The following CDH12 variants were observed in gnomAD, a reference collection of about 807,000 sequenced individuals.
CDH12 encodes cadherin 12, also known as cadherin-12.
A neutral mutation model predicts 74.1 loss-of-function variants in CDH12; 41 were observed. The ratio of observed to expected loss-of-function variants is 0.55; its 90% confidence interval spans 0.43 to 0.72. The LOEUF is 0.72. Among genes scored for constraint, CDH12 ranks in the 30% least tolerant of loss-of-function variants. The pLI is 0.00. For synonymous variants in CDH12, 399 were observed against 355.0 expected (o/e 1.12, Z -1.39); for missense variants, 945 against 977.2 (o/e 0.97, Z 0.44).
At chr5:22,045,462 T>A (rs1408814767) in intron 5 of CDH12, among the ~76,000 whole-genome samples, 1 of 152,122 alleles carries the variant, frequency 6.6e-6, no homozygotes. Context: ...AGGAAATCAG[T>A]ATGTTGAAGA....
intron 12 of CDH12, among the ~76,000 whole-genome samples, chr5:21,763,460 A>T (rs541608548): frequency 1.8e-4 from 28 of 152,350 alleles, no homozygotes; most frequent in Non-Finnish European, 3.7e-4. Flanking sequence ...AAAGATACTA[A>T]AGATTAAATA....
At chr5:22,261,439 A>C (rs562913753) in intron 3 of CDH12, among the ~76,000 whole-genome samples, 1 of 152,154 alleles carries the variant, frequency 6.6e-6, no homozygotes, top group South Asian at 2.1e-4. Context: ...CCTTAACAAA[A>C]GCATGACCAG....
chr5:22,717,857 A>C (rs2126984621), intron 1 of CDH12, among the ~76,000 whole-genome samples: 1 of 152,224 alleles, frequency 6.6e-6, no homozygotes, highest in Middle Eastern at 3.4e-3. Context: ...ATATTTTCTT[A>C]TTTCAGACAG....
At chr5:22,823,741 G>A (rs191802074) in intron 1 of CDH12, among the ~76,000 whole-genome samples, 1 of 152,148 alleles carries the variant, frequency 6.6e-6, no homozygotes, top group Non-Finnish European at 1.5e-5. Flanking sequence ...GTTCTCAGGA[G>A]ATCTGATGGT....
intron 1 of CDH12, among the ~76,000 whole-genome samples, chr5:22,568,469 G>A (rs1739391513): frequency 6.6e-6 from 1 of 152,068 alleles, no homozygotes; most frequent in African/African-American, 2.4e-5. Context: ...AAGAAATAAC[G>A]ACAATCTGAC....
chr5:21,836,957 T>G (rs1449950006), intron 8 of CDH12, among the ~76,000 whole-genome samples: 2 of 152,006 alleles, frequency 1.3e-5, no homozygotes, highest in African/African-American at 4.8e-5. Flanking sequence ...GAAGACCGTT[T>G]TCTGGGTTAT....
intron 2 of CDH12, among the ~76,000 whole-genome samples, chr5:22,446,041 T>C (rs1408669264): frequency 6.6e-6 from 1 of 152,126 alleles, no homozygotes; most frequent in East Asian, 1.9e-4. Context: ...TCACTCACTC[T>C]TAGTTTTGAG....
chr5:21,752,776 A>T (rs1744171070), intron 14 of CDH12, among the ~76,000 whole-genome samples: 1 of 152,012 alleles, frequency 6.6e-6, no homozygotes. Context: ...GAAGGAAGGA[A>T]GTAGAGGAAG....
chr5:21,870,268 G>A (rs1751549495), intron 6 of CDH12, among the ~76,000 whole-genome samples: 1 of 152,086 alleles, frequency 6.6e-6, no homozygotes, highest in African/African-American at 2.4e-5. Flanking sequence ...TAGAGAATTG[G>A]GAAAGCACTA....
chr5:22,609,692 T>A (rs977255186), intron 1 of CDH12, among the ~76,000 whole-genome samples: 2 of 152,172 alleles, frequency 1.3e-5, no homozygotes, highest in African/African-American at 4.8e-5. Context: ...CATGGTTTGA[T>A]ATTAAGGGTA....
rs117448187 is a variant in CDH12, at chr5:22,761,278, A to G, written c.-523+91780T>C. Among the ~76,000 whole-genome samples, 139 of 152,326 alleles carry G rather than the reference A, an allele frequency of 9.1e-4. No individual in the cohort carries two copies. In the East Asian group the frequency reaches 0.024, roughly 26 times the overall value. On this transcript the variant is annotated intron_variant, in intron 1 of 14. Coordinates refer to ENST00000382254, the MANE Select transcript of CDH12 (RefSeq NM_004061.5). Reference sequence around the variant, plus strand: ...TGATTTATATCCTGGGTTTTATACTAGGAGCAGGTTATATTAAAAATTATC... The same window carrying G: ...TGATTTATATCCTGGGTTTTATACTGGGAGCAGGTTATATTAAAAATTATC...
intron 4 of CDH12, among the ~76,000 whole-genome samples, chr5:22,180,236 C>T (rs151335382): frequency 2.0e-4 from 30 of 152,174 alleles, no homozygotes; most frequent in African/African-American, 7.0e-4. Context: ...CCTACAGCCA[C>T]TCACTTTCCT....
chr5:22,728,502 A>G (rs1358531337), intron 1 of CDH12, among the ~76,000 whole-genome samples: 3 of 151,952 alleles, frequency 2.0e-5, no homozygotes, highest in African/African-American at 7.2e-5. Context: ...ACTCTGTAGT[A>G]ATACCTTGAG....
chr5:22,654,857 C>G (rs969470645), intron 1 of CDH12, among the ~76,000 whole-genome samples: 1 of 151,772 alleles, frequency 6.6e-6, no homozygotes. Context: ...TCTCGAACTC[C>G]CGACCTCAGG....
intron 1 of CDH12, among the ~76,000 whole-genome samples, chr5:22,642,154 G>A (rs911659520): frequency 2.0e-5 from 3 of 152,116 alleles, no homozygotes; most frequent in Non-Finnish European, 2.9e-5. Context: ...AATACTTTTC[G>A]ACAGAAGTGA....
In CDH12 at chr5:22,247,015, A is replaced by T. The variant is rs568982148; in HGVS notation, c.-332-34372T>A. Reference sequence around the variant, plus strand: ...CTTCATAATATCAATCACCTCACTTATGTAAATACAAATTCTGGACTAAAA... The same window carrying T: ...CTTCATAATATCAATCACCTCACTTTTGTAAATACAAATTCTGGACTAAAA... On this transcript the variant is annotated intron_variant, in intron 3 of 14. Transcript: ENST00000382254. 5.9e-5 allele frequency among the ~76,000 whole-genome samples: 9 copies of T among 152,320 alleles called. No homozygotes were observed. In the South Asian group the frequency reaches 1.7e-3, roughly 28 times the overall value.
intron 5 of CDH12, among the ~76,000 whole-genome samples, chr5:21,993,635 C>G (rs1440638210): frequency 6.6e-6 from 1 of 152,118 alleles, no homozygotes; most frequent in Non-Finnish European, 1.5e-5. Flanking sequence ...GAAGTGTCTT[C>G]TATCAACAAT....
intron 4 of CDH12, among the ~76,000 whole-genome samples, chr5:22,138,375 A>C (rs1475051216): frequency 1.3e-5 from 2 of 151,696 alleles, no homozygotes; most frequent in East Asian, 3.9e-4. Context: ...AAAGATTAAA[A>C]CTATATTTAA....
chr5:22,570,821 T>A (rs1739503178), intron 1 of CDH12, among the ~76,000 whole-genome samples: 1 of 110,738 alleles, frequency 9.0e-6, no homozygotes, highest in South Asian at 2.8e-4. Flanking sequence ...CTAGGTGACA[T>A]CTTCTTCCTT....
Sources: allele counts gnomAD v4.1 joint callset (sites outside exome capture counted in the v4.1 genomes callset), GRCh38; gene constraint gnomAD v4.1.1; transcripts MANE v1.5; gene names NCBI Gene and HGNC (gene_info 2026-07-23, HGNC 2026-07-21).